The following ZMYM6 variants were observed in gnomAD, a reference collection of about 807,000 sequenced individuals.
ZMYM6 encodes the protein zinc finger MYM-type containing 6, also known as zinc finger MYM-type protein 6.
In ZMYM6, 90 loss-of-function variants were observed where a neutral mutation model predicts 134.0. The ratio of observed to expected loss-of-function variants is 0.67; its 90% confidence interval spans 0.57 to 0.80. The LOEUF is 0.80. Ranked by LOEUF, ZMYM6 falls within the 30% of genes least tolerant of loss-of-function variation. The pLI is 0.00. For missense variants in ZMYM6, 1,362 were observed against 1,533.9 expected, an observed-to-expected ratio of 0.89 and a Z score of 1.87; for synonymous variants, 481 against 524.1, an observed-to-expected ratio of 0.92 and a Z score of 1.12.
chr1:35,016,040 T>A (rs1641181664), intron 4 of ZMYM6, among the ~76,000 whole-genome samples: 1 of 148,984 alleles, frequency 6.7e-6, no homozygotes, highest in Admixed American at 7.0e-5. Context: ...CTCCACCTCC[T>A]GGGTTCAAGC....
At chr1:35,022,776 C>A (rs1190963276) in intron 2 of ZMYM6, among the ~76,000 whole-genome samples, 2 of 152,124 alleles carry the variant, frequency 1.3e-5, no homozygotes, top group Non-Finnish European at 2.9e-5. Flanking sequence ...CATCCTTCCC[C>A]CTACACACAC....
intron 4 of ZMYM6, chr1:35,018,715 T>A (rs1557583347): frequency 6.6e-6 from 1 of 152,346 alleles, no homozygotes; most frequent in Non-Finnish European, 1.5e-5. Flanking sequence ...GAGCCACAAT[T>A]TAAAAGCAAG....
At chr1:35,011,131 A>T in intron 8 of ZMYM6, 95 bp from the exon 9 acceptor site, 1 of 1,337,942 alleles carries the variant, frequency 7.5e-7, no homozygotes, top group South Asian at 1.5e-5. Context: ...CAAGTCTCCC[A>T]CAAACATTTT....
At chr1:34,996,446 A>G (rs751019752) in intron 14 of ZMYM6, among the ~76,000 whole-genome samples, 6 of 152,240 alleles carry the variant, frequency 3.9e-5, no homozygotes, top group Admixed American at 2.0e-4. Flanking sequence ...CACGTAATAC[A>G]CAATGAAAAA....
intron 3 of ZMYM6, among the ~76,000 whole-genome samples, chr1:35,019,976 C>T (rs1006501326): frequency 4.6e-5 from 7 of 152,130 alleles, no homozygotes; most frequent in South Asian, 2.1e-4. Flanking sequence ...AGCCCAGTCT[C>T]TCTTTTTCAG....
rs74612271 is a variant in ZMYM6, at chr1:35,001,267, G to A, written c.1992+2701C>T. On this transcript the variant is annotated intron_variant, in intron 14 of 15. Coordinates refer to ENST00000357182, the MANE Select transcript of ZMYM6 (RefSeq NM_007167.4). ...CCAAGAAAAGATTCTAAAACTGTCA[G>A]GTGTTTTTTTTTTTTTTTTTCACAT... 3.6e-5 allele frequency among the ~76,000 whole-genome samples: 5 copies of A among 138,766 alleles called. No homozygotes were observed. In the East Asian group the frequency reaches 1.1e-3, roughly 30 times the overall value. The allele number at this position is 138,766 out of a possible 152,430, so 91.0% of individuals were successfully genotyped here.
chr1:35,021,072 T>C (rs946815045), intron 2 of ZMYM6, among the ~76,000 whole-genome samples: 1 of 151,904 alleles, frequency 6.6e-6, no homozygotes, highest in Non-Finnish European at 1.5e-5. Flanking sequence ...GCACTACCTA[T>C]TTTTTAGGTA....
intron 2 of ZMYM6, among the ~76,000 whole-genome samples, chr1:35,025,466 CAA>C (rs1161814959): frequency 4.9e-3 from 272 of 55,004 alleles, no homozygotes; most frequent in African/African-American, 0.014. Context: ...GACTCCATCC[CAA>C]AAAAAAAAAA....
chr1:34,994,296 G>A (rs79874918), intron 14 of ZMYM6, among the ~76,000 whole-genome samples: 4 of 152,126 alleles, frequency 2.6e-5, no homozygotes, highest in Non-Finnish European at 4.4e-5. Flanking sequence ...ATAAAGCAGC[G>A]TACAGGAATG....
chr1:34,987,753 A>G lies in ZMYM6; in HGVS notation c.3329T>C (p.Val1110Ala). ...LAKYFHDEEWVGKLAYLSDIF... is the reference protein window; with the variant it reads ...LAKYFHDEEWAGKLAYLSDIF... Reference sequence around the variant, plus strand: ...ATCTGATAAGTAGGCCAGCTTTCCAACCCATTCCTCATCATGAAAATACTT... The same window carrying G: ...ATCTGATAAGTAGGCCAGCTTTCCAGCCCATTCCTCATCATGAAAATACTT... Residue 1110 changes from valine (V) to alanine (A), a missense_variant, in exon 16 of 16, where the codon GTT becomes GCT. Physicochemically the swap from Val to Ala is moderately conservative, Grantham distance 64. Transcript: ENST00000357182. The G allele has an allele frequency of 6.4e-7, 1 of 1,551,536 alleles. No individual in the cohort carries two copies. Among genetic ancestry groups the G allele is most frequent in the Non-Finnish European group, 8.7e-7 (1 of 1,146,964 alleles).
chr1:34,992,058 T>A, intron 15 of ZMYM6, 176 bp downstream of exon 15: 1 of 787,330 alleles, frequency 1.3e-6, no homozygotes, highest in Non-Finnish European at 2.1e-6. Context: ...GATAGCTGGT[T>A]ATTAGTGTTA....
chr1:34,988,954 T>A lies in ZMYM6; in HGVS notation c.2147-19A>T. ...GGTAAATCTGAATGAAATATTTGAA[T>A]CACTGTTATTTTCAAGAACAAATAA... On this transcript the variant is annotated intron_variant, in intron 15 of 15. Transcript: ENST00000357182. 2 of 1,595,942 alleles carry A rather than the reference T, an allele frequency of 1.3e-6. No individual in the cohort carries two copies. Among genetic ancestry groups the A allele is most frequent in the Non-Finnish European group, 1.7e-6 (2 of 1,175,402 alleles).
intron 14 of ZMYM6, among the ~76,000 whole-genome samples, chr1:34,995,347 GTATATGTA>G (rs1640765611): frequency 6.7e-6 from 1 of 148,908 alleles, no homozygotes; most frequent in South Asian, 2.1e-4. Context: ...TATATACGTT[GTATATGTA>G]TATATGTTGC....
chr1:34,988,400 A>G lies in ZMYM6; in HGVS notation c.2682T>C (p.Ile894=). The change falls in exon 16 of 16, where the codon ATT becomes ATC. Residue 894 remains isoleucine (I), a synonymous_variant. Coordinates refer to ENST00000357182, the MANE Select transcript of ZMYM6 (RefSeq NM_007167.4). ...TGACCTTTTGAATCAGCTGGTCTTC[A>G]ATGTCTGCAGATAGTTCATCAATCC... ...QHRIDELSAD[I]EDQLIQKVRE... The G allele has an allele frequency of 6.4e-7, 1 of 1,551,664 alleles. No individual in the cohort carries two copies. Among genetic ancestry groups the G allele is most frequent in the Non-Finnish European group, 8.7e-7 (1 of 1,146,960 alleles).
At chr1:34,997,618 T>C (rs1640806445) in intron 14 of ZMYM6, among the ~76,000 whole-genome samples, 1 of 152,152 alleles carries the variant, frequency 6.6e-6, no homozygotes, top group Non-Finnish European at 1.5e-5. Context: ...AGAAGCTCTT[T>C]ACATATTAAA....
At position 35,020,415 on chromosome 1, in the gene ZMYM6, C is replaced by T. The variant is rs1433143854; in HGVS notation, c.146G>A (p.Gly49Asp). The T allele has an allele frequency of 6.2e-7, 1 of 1,612,568 alleles. No individual in the cohort carries two copies. Among genetic ancestry groups the T allele is most frequent in the African/African-American group, 1.3e-5 (1 of 74,694 alleles). Residue 49 changes from glycine (G) to aspartate (D), a missense_variant, in exon 3 of 16, where the codon GGT (glycine) becomes GAT (aspartate). Around this residue, in one of 3 missense-constraint regions of ZMYM6, gnomAD observed 503 missense variants for 520.8 expected, o/e 0.97. Transcript: ENST00000357182. ...TCTCTCATTAACTGAAGACACACCA[C>T]CAATTTTCAATTTACTTTCTTGAGT... is the stretch of plus-strand genomic sequence containing the variant. The part of the protein sequence containing the change: ...PKTQESKLKI[G>D]GVSSVNERPI...
intron 4 of ZMYM6, among the ~76,000 whole-genome samples, chr1:35,015,584 C>T (rs1427578957): frequency 1.3e-5 from 2 of 150,932 alleles, no homozygotes; most frequent in Non-Finnish European, 2.9e-5. Flanking sequence ...ACTAGATGGG[C>T]GTGGTGGTGG....
intron 5 of ZMYM6, 47 bp from the exon 6 acceptor site, chr1:35,014,935 T>C: frequency 8.7e-6 from 14 of 1,606,626 alleles, no homozygotes; most frequent in Non-Finnish European, 1.2e-5. Context: ...GCAGAGCCAG[T>C]TAAAAAAAAA....
At chr1:35,012,378 C>A in intron 7 of ZMYM6, 53 bp downstream of exon 7, 2 of 1,357,714 alleles carry the variant, frequency 1.5e-6, no homozygotes, top group Non-Finnish European at 9.7e-7. Flanking sequence ...AAAGCAGTTA[C>A]GTTTTTCTTC....
Sources: gnomAD v4.1 joint callset for allele counts (sites outside exome capture counted in the v4.1 genomes callset) on GRCh38, gnomAD v4.1.1 for gene constraint, gnomAD v4.1.1 regional missense constraint, MANE v1.5 for transcripts, NCBI Gene and HGNC (gene_info 2026-07-23, HGNC 2026-07-21) for gene names.